The following EPHA7 variants were observed in gnomAD, a reference collection of about 807,000 sequenced individuals.
EPHA7 encodes the protein EPH receptor A7, also known as ephrin type-A receptor 7.
A neutral mutation model predicts 112.6 loss-of-function variants in EPHA7; 25 were observed. The observed-to-expected ratio is 0.22, with a 90% confidence interval of 0.16 to 0.31. The LOEUF is 0.31. Ranked by LOEUF, EPHA7 falls within the 10% of genes least tolerant of loss-of-function variation. EPHA7 has a pLI of 1.00. For synonymous variants in EPHA7, 437 were observed against 406.5 expected (o/e 1.07, Z -0.90); for missense variants, 962 against 1,212.6 (o/e 0.79, Z 3.07).
intron 5 of EPHA7, among the ~76,000 whole-genome samples, chr6:93,292,554 G>C (rs926842090): frequency 6.6e-6 from 1 of 152,014 alleles, no homozygotes; most frequent in Non-Finnish European, 1.5e-5. Flanking sequence ...AGCTGACCCA[G>C]ATAAAAGGTT....
chr6:93,334,386 T>A lies in EPHA7; in HGVS notation c.1324+22331A>T, dbSNP rs535545555. On this transcript the variant is annotated intron_variant, in intron 5 of 16. Transcript: ENST00000369303. ...GCCAAAAGCAACTGCAACAAAAAAA[T>A]TGACAAATGGGAGGTAATTAAAGAG... Among the ~76,000 whole-genome samples the A allele has an allele frequency of 1.7e-3, 253 of 151,682 alleles. 1 individual carries two copies. The highest frequency in any genetic ancestry group is 5.9e-3 in the African/African-American group (244 of 41,424).
intron 4 of EPHA7, among the ~76,000 whole-genome samples, chr6:93,357,557 G>T (rs1187616256): frequency 3.9e-5 from 6 of 152,014 alleles, no homozygotes; most frequent in African/African-American, 1.5e-4. Context: ...TGTGAGATTT[G>T]CTCTATTTAG....
intron 3 of EPHA7, among the ~76,000 whole-genome samples, chr6:93,407,511 C>A (rs1778778973): frequency 6.6e-6 from 1 of 152,000 alleles, no homozygotes; most frequent in African/African-American, 2.4e-5. Flanking sequence ...GTATTTAATT[C>A]TTTTGTCAAC....
At position 93,362,225 on chromosome 6, in the gene EPHA7, A is replaced by T. The variant is rs548379108; in HGVS notation, c.833-3814T>A. Among the ~76,000 whole-genome samples, 3 of 152,016 alleles carry T rather than the reference A, an allele frequency of 2.0e-5. No individual in the cohort carries two copies. In the South Asian group the frequency reaches 6.2e-4, roughly 31 times the overall value. On this transcript the variant is annotated intron_variant, in intron 3 of 16. Transcript: ENST00000369303. ...TTCTTTAAATGCAAAACCACCAAAG[A>T]AAAAGGAAATCTAGGAGATACATGA...
At chr6:93,268,059 TCTTAA>T (rs1240378657) in intron 7 of EPHA7, among the ~76,000 whole-genome samples, 3 of 151,698 alleles carry the variant, frequency 2.0e-5, no homozygotes, top group Non-Finnish European at 4.4e-5. Context: ...AATGTTGAAA[TCTTAA>T]CTTAAAATGC....
intron 5 of EPHA7, among the ~76,000 whole-genome samples, chr6:93,300,110 G>C (rs1384488374): frequency 6.6e-6 from 1 of 152,100 alleles, no homozygotes; most frequent in Non-Finnish European, 1.5e-5. Flanking sequence ...ACCTGCGCAT[G>C]TATCCCTGAA....
At chr6:93,418,172 T>G in intron 1 of EPHA7, among the ~76,000 whole-genome samples, 1 of 144,374 alleles carries the variant, frequency 6.9e-6, no homozygotes, top group African/African-American at 2.5e-5. Flanking sequence ...GGCGACGGGA[T>G]GAGGGGGGTT....
rs188661513 is a variant in EPHA7, at chr6:93,297,608, G to T, written c.1325-25186C>A. 2.6e-5 allele frequency among the ~76,000 whole-genome samples: 4 copies of T among 152,186 alleles called. No homozygotes were observed. The East Asian group carries it at 7.7e-4, about 29-fold the overall frequency. On this transcript the variant is annotated intron_variant, in intron 5 of 16. Coordinates refer to ENST00000369303, the MANE Select transcript of EPHA7 (RefSeq NM_004440.4). ...TGTATAGCCGTTCTAAACCAAAGAA[G>T]AATTTTGAGAAATGGAAGGTTCTTT... is the stretch of plus-strand genomic sequence containing the variant.
chr6:93,402,988 G>A (rs2127989934), intron 3 of EPHA7, among the ~76,000 whole-genome samples: 1 of 152,110 alleles, frequency 6.6e-6, no homozygotes, highest in South Asian at 2.1e-4. Flanking sequence ...AAGAAAGCAT[G>A]AGAATGTGAC....
At chr6:93,279,254 AT>A (rs556291449) in intron 5 of EPHA7, among the ~76,000 whole-genome samples, 260 of 152,196 alleles carry the variant, frequency 1.7e-3, no homozygotes, top group African/African-American at 5.8e-3. Context: ...CATGAATGAT[AT>A]TTTTTGATTT....
At chr6:93,354,130 T>C (rs1287147455) in intron 5 of EPHA7, among the ~76,000 whole-genome samples, 2 of 152,034 alleles carry the variant, frequency 1.3e-5, no homozygotes, top group Non-Finnish European at 2.9e-5. Flanking sequence ...ATGAACTAGG[T>C]TGGAAATGAT....
At chr6:93,406,669 GA>G (rs983902265) in intron 3 of EPHA7, among the ~76,000 whole-genome samples, 6 of 151,868 alleles carry the variant, frequency 4.0e-5, no homozygotes, top group African/African-American at 1.4e-4. Flanking sequence ...ATGAGAAAAT[GA>G]ATGTGACTGT....
intron 4 of EPHA7, 82 bp from the exon 5 acceptor site, chr6:93,357,134 T>TG (rs1775988765): frequency 8.8e-7 from 1 of 1,130,546 alleles, no homozygotes; most frequent in Non-Finnish European, 1.2e-6. Flanking sequence ...AGGATCTGTG[T>TG]GGGGCATTAA....
At chr6:93,267,402 C>A (rs1770997343) in intron 7 of EPHA7, among the ~76,000 whole-genome samples, 2 of 151,648 alleles carry the variant, frequency 1.3e-5, no homozygotes, top group Non-Finnish European at 2.9e-5. Context: ...TATAACCGGA[C>A]ATGGCAGAGC....
In EPHA7 at chr6:93,258,303, C is replaced by G. The variant is rs767827512; in HGVS notation, c.1925-19G>C. 6.5e-6 allele frequency: 10 copies of G among 1,527,390 alleles called. No homozygotes were observed. The Admixed American group carries it at 1.5e-4, about 23-fold the overall frequency. 94.6% of individuals were successfully genotyped at this position (1,527,390 alleles called of 1,614,324 possible). On this transcript the variant is annotated intron_variant, in intron 10 of 16. Coordinates refer to ENST00000369303, the MANE Select transcript of EPHA7 (RefSeq NM_004440.4). ...AATTCTCCTGAAGTAACAGAACAAG[C>G]AGGCATATTTTAGTTTCTAAATATT...
intron 5 of EPHA7, among the ~76,000 whole-genome samples, chr6:93,283,773 T>A (rs752162523): frequency 2.0e-5 from 3 of 152,146 alleles, no homozygotes; most frequent in Admixed American, 6.5e-5. Flanking sequence ...GCTTCATTCT[T>A]GAAGTCAGTG....
At chr6:93,415,672 GT>G (rs1187003712) in intron 1 of EPHA7, among the ~76,000 whole-genome samples, 6 of 152,028 alleles carry the variant, frequency 3.9e-5, no homozygotes, top group African/African-American at 1.4e-4. Flanking sequence ...AGTTACATAA[GT>G]TTTTGCACTT....
At chr6:93,320,517 A>G (rs1018547474) in intron 5 of EPHA7, among the ~76,000 whole-genome samples, 5 of 151,966 alleles carry the variant, frequency 3.3e-5, no homozygotes, top group African/African-American at 1.2e-4. Context: ...TTGGGAGAAA[A>G]ACAATTCCCT....
chr6:93,375,022 A>G (rs1394973260), intron 3 of EPHA7, among the ~76,000 whole-genome samples: 1 of 152,194 alleles, frequency 6.6e-6, no homozygotes, highest in Non-Finnish European at 1.5e-5. Flanking sequence ...TATATAAACC[A>G]TGTAACTAAA....
Sources: gnomAD v4.1 joint callset for allele counts (sites outside exome capture counted in the v4.1 genomes callset) on GRCh38, gnomAD v4.1.1 for gene constraint, MANE v1.5 for transcripts, NCBI Gene and HGNC (gene_info 2026-07-23, HGNC 2026-07-21) for gene names.